Variants in MEF2D observed in about 807,000 individuals in gnomAD.
MEF2D encodes the protein myocyte-specific enhancer factor 2D.
MEF2D carries 10 observed loss-of-function variants against 59.3 expected under a neutral mutation model. The observed-to-expected ratio is 0.17, with a 90% CI of 0.10 to 0.29. The LOEUF is 0.29. Among genes scored for constraint, MEF2D ranks in the 10% least tolerant of loss-of-function variants. The probability of loss-of-function intolerance (pLI) is 1.00; values close to 1 mark genes in which losing one functional copy is unlikely to be tolerated. For missense variants in MEF2D, 508 were observed against 699.4 expected, an observed-to-expected ratio of 0.73 and a Z score of 3.09; for synonymous variants, 305 against 295.0, an observed-to-expected ratio of 1.03 and a Z score of -0.35.
chr1:156,490,796 T>C (rs1000258277), intron 1 of MEF2D, among the ~76,000 whole-genome samples: 1 of 152,198 alleles, frequency 6.6e-6, no homozygotes, highest in Non-Finnish European at 1.5e-5. Context: ...GATGGGGTCA[T>C]CCTGTTCTCT....
intron 1 of MEF2D, among the ~76,000 whole-genome samples, chr1:156,486,108 G>T (rs1672340794): frequency 6.6e-6 from 1 of 152,028 alleles, no homozygotes; most frequent in Admixed American, 6.6e-5. Context: ...TCGACCTCGT[G>T]CTCCATGGGC....
chr1:156,492,634 T>G (rs1672874029), intron 1 of MEF2D, among the ~76,000 whole-genome samples: 1 of 152,242 alleles, frequency 6.6e-6, no homozygotes, highest in Non-Finnish European at 1.5e-5. Flanking sequence ...CACTGTTACC[T>G]AACCCAATTT....
rs189010965 is a variant in MEF2D at position 156,491,759 on chromosome 1, G to A, written c.-138-8329C>T. Reference sequence around the variant, plus strand: ...TCTTCATACTCCATCCCAGCAGGCCGAGCTGCAATGACTCACCACCACTCA... The same window carrying A: ...TCTTCATACTCCATCCCAGCAGGCCAAGCTGCAATGACTCACCACCACTCA... On this transcript the variant is annotated intron_variant, in intron 1 of 11. Transcript: ENST00000348159. Among the ~76,000 whole-genome samples the A allele has an allele frequency of 2.6e-5, 4 of 152,300 alleles. No individual in the cohort carries two copies. The East Asian group carries it at 7.7e-4, about 29-fold the overall frequency.
At chr1:156,500,133 C>A (rs1481264267) in intron 1 of MEF2D, among the ~76,000 whole-genome samples, 1 of 152,148 alleles carries the variant, frequency 6.6e-6, no homozygotes, top group East Asian at 1.9e-4. Flanking sequence ...GAGACCCCCT[C>A]GGAGGATGGC....
intron 1 of MEF2D, among the ~76,000 whole-genome samples, chr1:156,497,690 C>T (rs1673210857): frequency 1.3e-5 from 2 of 152,192 alleles, no homozygotes; most frequent in Admixed American, 6.5e-5. Flanking sequence ...CACCCACTTG[C>T]TCCTGGACTT....
chr1:156,478,809 C>T (rs974055170), intron 6 of MEF2D, among the ~76,000 whole-genome samples: 1 of 151,410 alleles, frequency 6.6e-6, no homozygotes, highest in African/African-American at 2.4e-5. Flanking sequence ...GGTTTACAGG[C>T]GTGAGCCACC....
At chr1:156,500,406 C>T (rs1673423759) in intron 1 of MEF2D, 80 bp downstream of exon 1, 1 of 152,330 alleles carries the variant, frequency 6.6e-6, no homozygotes. Flanking sequence ...ACGGTCTAGA[C>T]CACCCTCCAC....
chr1:156,481,184 G>A (rs930040028), intron 3 of MEF2D, among the ~76,000 whole-genome samples: 11 of 152,228 alleles, frequency 7.2e-5, no homozygotes, highest in African/African-American at 2.7e-4. Context: ...TCGGAACACA[G>A]AGAACAAGGC....
Position 156,464,131 on chromosome 1 carries a change from G to C in MEF2D, c.*3514C>G, listed in dbSNP as rs551903898. 6.5e-6 allele frequency: 1 copy of C among 152,694 alleles called. No individual in the cohort carries two copies. The highest frequency in any genetic ancestry group is 1.9e-4 in the East Asian group (1 of 5,184). 9.5% of individuals were successfully genotyped at this position (152,694 alleles called of 1,614,324 possible). A position where few individuals can be genotyped will look rare whatever the true frequency, so the allele number is the denominator to read the frequency against. On this transcript the variant is annotated 3_prime_UTR_variant, in exon 12 of 12. Transcript: ENST00000348159. ...CCATTCCTTCTACCAACTGCTTTAA[G>C]GGGTGGGGAGAGGCAGCAGAGGGGA...
At position 156,464,257 on chromosome 1, in the gene MEF2D, TATAGAG is replaced by T. The variant is rs1200693635; in HGVS notation, c.*3382_*3387del. On this transcript the variant is annotated 3_prime_UTR_variant, in exon 12 of 12. Coordinates refer to ENST00000348159, the MANE Select transcript of MEF2D (RefSeq NM_005920.4). ...GATTCCAAAGAGTCAGTTAAAAATA[TATAGAG>T]ATATAGATATTTCTAGATACACTTT... The T allele has an allele frequency of 6.6e-6, 1 of 152,422 alleles. No individual in the cohort carries two copies. Among genetic ancestry groups the T allele is most frequent in the Admixed American group, 6.5e-5 (1 of 15,270 alleles). The allele number at this position is 152,422 out of a possible 1,614,324, so 9.4% of individuals were successfully genotyped here. A position where few individuals can be genotyped will look rare whatever the true frequency, so the allele number is the denominator to read the frequency against.
chr1:156,476,855 G>T, intron 7 of MEF2D, 157 bp downstream of exon 7: 1 of 899,426 alleles, frequency 1.1e-6, no homozygotes, highest in Non-Finnish European at 1.7e-6. Flanking sequence ...AGGCCCTCTG[G>T]GAAGAAAAAT....
At chr1:156,499,062 G>A (rs977676107) in intron 1 of MEF2D, among the ~76,000 whole-genome samples, 1 of 152,192 alleles carries the variant, frequency 6.6e-6, no homozygotes, top group Non-Finnish European at 1.5e-5. Flanking sequence ...TCCTGTTGGG[G>A]TTGGGAGAGG....
In MEF2D at chr1:156,467,428, G is replaced by A. The variant is rs1291784340; in HGVS notation, c.*217C>T. 1 of 216,040 alleles carries A rather than the reference G, an allele frequency of 4.6e-6. No individual in the cohort carries two copies. The highest frequency in any genetic ancestry group is 9.1e-6 in the Non-Finnish European group (1 of 110,302). 13.4% of individuals were successfully genotyped at this position (216,040 alleles called of 1,614,324 possible). A position where few individuals can be genotyped will look rare whatever the true frequency, so the allele number is the denominator to read the frequency against. ...GGTGGGGGGTACAGAAAGAGGGGAT[G>A]AGAGCATCCCCCTCTCCAAAGCGAG... is the stretch of plus-strand genomic sequence containing the variant. On this transcript the variant is annotated 3_prime_UTR_variant, in exon 12 of 12. Transcript: ENST00000348159.
chr1:156,486,926 A>G (rs1672409778), intron 1 of MEF2D, among the ~76,000 whole-genome samples: 4 of 151,958 alleles, frequency 2.6e-5, no homozygotes. Context: ...AGTTCCTCTC[A>G]CTCTATCCTC....
chr1:156,489,606 T>G (rs972167945), intron 1 of MEF2D, among the ~76,000 whole-genome samples: 21 of 150,692 alleles, frequency 1.4e-4, no homozygotes, highest in African/African-American at 4.9e-4. Flanking sequence ...CTTCCAGGAC[T>G]GACTCCTGGC....
chr1:156,499,949 C>T (rs1571285135), intron 1 of MEF2D, among the ~76,000 whole-genome samples: 1 of 152,158 alleles, frequency 6.6e-6, no homozygotes, highest in Admixed American at 6.5e-5. Context: ...CAACATCCCC[C>T]CTCCCTCCCC....
chr1:156,483,492 G>A (rs1672157858), intron 1 of MEF2D, 62 bp from the exon 2 acceptor site: 2 of 590,516 alleles, frequency 3.4e-6, no homozygotes, highest in Admixed American at 3.1e-5. Flanking sequence ...TGCTCCCTGG[G>A]CACACAGGCC....
At chr1:156,478,058 C>T (rs895296289) in intron 6 of MEF2D, among the ~76,000 whole-genome samples, 3 of 152,206 alleles carry the variant, frequency 2.0e-5, no homozygotes, top group African/African-American at 7.2e-5. Flanking sequence ...CTGCCCAGGG[C>T]CACACAGCTG....
At chr1:156,488,110 TG>T (rs1162637234) in intron 1 of MEF2D, among the ~76,000 whole-genome samples, 1 of 152,238 alleles carries the variant, frequency 6.6e-6, no homozygotes, top group East Asian at 1.9e-4. Context: ...TCTGGCTGAT[TG>T]ACTCTGATTC....
Sources: allele counts gnomAD v4.1 joint callset (sites outside exome capture counted in the v4.1 genomes callset), GRCh38; gene constraint gnomAD v4.1.1; transcripts MANE v1.5; gene names NCBI Gene and HGNC (gene_info 2026-07-23, HGNC 2026-07-21).